The following NCAPD3 variants were observed in gnomAD, a reference collection of about 807,000 sequenced individuals.
NCAPD3 encodes the protein non-SMC condensin II complex subunit D3, also known as condensin-2 complex subunit D3.
A neutral mutation model predicts 182.9 loss-of-function variants in NCAPD3; 105 were observed. That is an observed-to-expected ratio of 0.57 (90% CI 0.49 to 0.68). The LOEUF is 0.68. NCAPD3 is among the 30% of genes least tolerant of loss of function. The probability of loss-of-function intolerance (pLI) is 0.00; values close to 1 mark genes in which losing one functional copy is unlikely to be tolerated. For missense variants in NCAPD3, 1,944 were observed against 1,837.0 expected (o/e 1.06, Z -1.07); for synonymous variants, 815 against 679.9 (o/e 1.20, Z -3.09).
intron 27 of NCAPD3, among the ~76,000 whole-genome samples, chr11:134,163,759 C>T (rs1253111997): frequency 3.4e-5 from 5 of 145,212 alleles, no homozygotes; most frequent in Non-Finnish European, 7.5e-5. Flanking sequence ...GTAGTCCCAG[C>T]TACTCGGGAG....
intron 3 of NCAPD3, among the ~76,000 whole-genome samples, chr11:134,210,800 C>T (rs1937806390): frequency 1.3e-5 from 2 of 152,176 alleles, no homozygotes; most frequent in South Asian, 4.1e-4. Context: ...CAGAGGTAAA[C>T]CCTCAAGTTG....
chr11:134,219,377 C>G (rs1377178506), intron 2 of NCAPD3, among the ~76,000 whole-genome samples: 1 of 152,168 alleles, frequency 6.6e-6, no homozygotes, highest in African/African-American at 2.4e-5. Context: ...CTCTCCACCC[C>G]CTGCAACTGC....
In NCAPD3 at chr11:134,151,589, C is replaced by G. The variant is rs755544461; in HGVS notation, c.*1355G>C. 1 of 152,124 alleles carries G rather than the reference C, an allele frequency of 6.6e-6. No individual in the cohort carries two copies. The highest frequency in any genetic ancestry group is 6.5e-5 in the Admixed American group (1 of 15,274). 9.4% of individuals were successfully genotyped at this position (152,124 alleles called of 1,614,324 possible). ...TGAGACTAGACGGAAAAGGAATACT[C>G]GTGTATTTTAAGATATGAATGTGAC... On this transcript the variant is annotated 3_prime_UTR_variant, in exon 35 of 35. Transcript: ENST00000534548.
chr11:134,225,014 G>A (rs1471463784), upstream of NCAPD3: 4 of 1,057,560 alleles, frequency 3.8e-6, no homozygotes, highest in East Asian at 3.3e-5. Flanking sequence ...GCCCCGCGGC[G>A]GCCGAGCGCG....
intron 27 of NCAPD3, among the ~76,000 whole-genome samples, chr11:134,163,946 A>G (rs1000633648): frequency 6.6e-6 from 1 of 152,024 alleles, no homozygotes; most frequent in Non-Finnish European, 1.5e-5. Context: ...CCTGTGACAG[A>G]AAGAAACCAG....
chr11:134,157,568 G>A (rs1251197470), intron 31 of NCAPD3, among the ~76,000 whole-genome samples: 1 of 152,216 alleles, frequency 6.6e-6, no homozygotes, highest in African/African-American at 2.4e-5. Context: ...AAAAGTTCAT[G>A]GAAGCTGTCT....
chr11:134,196,060 G>T (rs114111400), intron 13 of NCAPD3, among the ~76,000 whole-genome samples: 1 of 152,122 alleles, frequency 6.6e-6, no homozygotes, highest in Non-Finnish European at 1.5e-5. Context: ...CTAAAAGTAG[G>T]TTCCTTGATA....
intron 1 of NCAPD3, among the ~76,000 whole-genome samples, chr11:134,222,218 G>A (rs1340166962): frequency 2.6e-5 from 4 of 152,242 alleles, no homozygotes; most frequent in African/African-American, 4.8e-5. Flanking sequence ...CTCAGCTGTC[G>A]AATGCAGGTA....
At chr11:134,199,875 G>A (rs1944714889) in intron 13 of NCAPD3, among the ~76,000 whole-genome samples, 1 of 152,134 alleles carries the variant, frequency 6.6e-6, no homozygotes, top group Admixed American at 6.5e-5. Flanking sequence ...CATAAAGACA[G>A]ATATATAGAT....
At chr11:134,161,201 G>T (rs531805198) in intron 28 of NCAPD3, among the ~76,000 whole-genome samples, 2 of 152,208 alleles carry the variant, frequency 1.3e-5, no homozygotes, top group East Asian at 1.9e-4. Flanking sequence ...AAACTATGTT[G>T]CATTTATTTC....
At position 134,153,371 on chromosome 11, in the gene NCAPD3, AAG is replaced by A. The variant is rs764847955; in HGVS notation, c.4253-10_4253-9del. The A allele has an allele frequency of 1.2e-5, 20 of 1,613,872 alleles. No individual in the cohort carries two copies. The South Asian group carries it at 1.4e-4, about 12-fold the overall frequency. ...TGACATCACTGATGCTCTCTGCATA[AAG>A]AGGAGACACCACTGAGTGAAAGCCG... On this transcript the variant is annotated splice_polypyrimidine_tract_variant and intron_variant, in intron 32 of 34. Coordinates refer to ENST00000534548, the MANE Select transcript of NCAPD3 (RefSeq NM_015261.3).
Position 134,204,309 on chromosome 11 carries a change from T to G in NCAPD3, c.1090-138A>C. ...AATGTTACGTAAATGACTAATAAAT[T>G]TTAGGTTTTAGAACACTTCAAAACT... On this transcript the variant is annotated intron_variant, in intron 9 of 34. Coordinates refer to ENST00000534548, the MANE Select transcript of NCAPD3 (RefSeq NM_015261.3). The surrounding 1 kb of genome is among the most constrained non-coding windows in gnomAD (Gnocchi z 4.3). The G allele has an allele frequency of 6.3e-6, 6 of 957,168 alleles. No homozygotes were observed. The highest frequency in any genetic ancestry group is 5.9e-5 in the South Asian group (3 of 50,852). 59.3% of individuals were successfully genotyped at this position (957,168 alleles called of 1,614,324 possible).
At chr11:134,168,845 G>C (rs992060036) in intron 25 of NCAPD3, 72 bp downstream of exon 25, 1 of 1,538,934 alleles carries the variant, frequency 6.5e-7, no homozygotes, top group East Asian at 2.3e-5. Context: ...TACATGCAAA[G>C]AGCCTAACCT....
rs1344847780 is a variant in NCAPD3 at position 134,150,950 on chromosome 11, T to G, written c.*1994A>C. On this transcript the variant is annotated 3_prime_UTR_variant, in exon 35 of 35. Coordinates refer to ENST00000534548, the MANE Select transcript of NCAPD3 (RefSeq NM_015261.3). The stretch of plus-strand genomic sequence containing the variant: ...TCTAATTTTGACTTTAAATTTTTCA[T>G]CCGCCGGAGACACTGCTCCCATTTG... 1 of 152,206 alleles carries G rather than the reference T, an allele frequency of 6.6e-6. No homozygotes were observed. Among genetic ancestry groups the G allele is most frequent in the Admixed American group, 6.5e-5 (1 of 15,286 alleles). The allele number at this position is 152,206 out of a possible 1,614,324, so 9.4% of individuals were successfully genotyped here.
intron 24 of NCAPD3, among the ~76,000 whole-genome samples, chr11:134,173,969 AAAG>A (rs1402674713): frequency 2.0e-5 from 3 of 152,070 alleles, no homozygotes; most frequent in Non-Finnish European, 4.4e-5. Context: ...TCAAAAAAAA[AAAG>A]AAAACAAACA....
chr11:134,165,573 TGGG>T (rs1168513758), intron 27 of NCAPD3, among the ~76,000 whole-genome samples: 3 of 123,238 alleles, frequency 2.4e-5, no homozygotes, highest in Admixed American at 8.5e-5. Context: ...GAGATGAGCT[TGGG>T]GGAGGGGCAC....
At chr11:134,223,528 T>C (rs1431250236) in intron 1 of NCAPD3, 5 of 700,998 alleles carry the variant, frequency 7.1e-6, no homozygotes, top group South Asian at 5.9e-5. Flanking sequence ...AAGAAAGAGA[T>C]TTGCAATTTA....
intron 27 of NCAPD3, among the ~76,000 whole-genome samples, chr11:134,164,745 ACACT>A (rs1255117931): frequency 2.0e-5 from 3 of 151,394 alleles, no homozygotes; most frequent in East Asian, 2.0e-4. Flanking sequence ...AGGGAGCTTC[ACACT>A]CACTTGTGAC....
chr11:134,198,256 A>G (rs1944678437), intron 13 of NCAPD3, among the ~76,000 whole-genome samples: 1 of 152,176 alleles, frequency 6.6e-6, no homozygotes, highest in Non-Finnish European at 1.5e-5. Context: ...CTCTGCAGTA[A>G]TGAACTTTAG....
Sources: gnomAD v4.1 joint callset for allele counts (sites outside exome capture counted in the v4.1 genomes callset) on GRCh38, gnomAD v4.1.1 for gene constraint, Gnocchi (gnomAD v3.1) non-coding constraint, MANE v1.5 for transcripts, NCBI Gene and HGNC (gene_info 2026-07-23, HGNC 2026-07-21) for gene names.